The following TSBP1 variants were observed in gnomAD, a reference collection of about 807,000 sequenced individuals.
TSBP1 encodes the protein testis-expressed basic protein 1.
In TSBP1, 56 loss-of-function variants were observed where a neutral mutation model predicts 68.8. The ratio of observed to expected loss-of-function variants is 0.81; its 90% CI spans 0.66 to 1.02. The LOEUF is 1.02. TSBP1 is among the 50% of genes least tolerant of loss of function. TSBP1 has a pLI of 0.00. For synonymous variants in TSBP1, 171 were observed against 208.7 expected (o/e 0.82, Z 1.56); for missense variants, 502 against 641.2 (o/e 0.78, Z 2.34).
At chr6:32,293,602 C>T (rs1027247399) in exon 23 of TSBP1, 7 of 1,612,842 alleles carry the variant, frequency 4.3e-6, no homozygotes, top group Admixed American at 3.3e-5. Context: ...GTACAACCAA[C>T]CCACTCTTCG....
In TSBP1 at chr6:32,343,752, T is replaced by C. The variant is rs1303682212; in HGVS notation, c.350-4114A>G. Among the ~76,000 whole-genome samples, 4 of 152,226 alleles carry C rather than the reference T, an allele frequency of 2.6e-5. No individual in the cohort carries two copies. Among genetic ancestry groups the C allele is most frequent in the East Asian group, 1.9e-4 (1 of 5,200 alleles). On this transcript the variant is annotated intron_variant, in intron 9 of 22. Transcript: ENST00000612031. This position sits in a 1 kb window ranked among gnomAD's most constrained non-coding sequence, Gnocchi z 4.3. ...TTTAAGTTCAGCACGTTTTCCTTCA[T>C]ATTCTTTACAATTTTCTCTTCTTTC...
At chr6:32,349,494 G>T in intron 9 of TSBP1, 5 of 441,248 alleles carry the variant, frequency 1.1e-5, no homozygotes, top group Non-Finnish European at 2.0e-5. Flanking sequence ...TATTTACTCT[G>T]TTTTTCCAAC....
At chr6:32,345,891 A>T (rs1339559101) in intron 9 of TSBP1, among the ~76,000 whole-genome samples, 1 of 152,090 alleles carries the variant, frequency 6.6e-6, no homozygotes, top group Admixed American at 6.6e-5. Context: ...CGTCATCTTG[A>T]GCTTCAGGGA....
At chr6:32,352,568 A>G (rs1197423544) in intron 8 of TSBP1, among the ~76,000 whole-genome samples, 1 of 152,006 alleles carries the variant, frequency 6.6e-6, no homozygotes, top group Non-Finnish European at 1.5e-5. Flanking sequence ...AGATAAACAT[A>G]TAACAATTCA....
chr6:32,333,990 G>T lies in TSBP1; in HGVS notation c.472+1447C>A. The T allele has an allele frequency of 3.5e-6, 1 of 287,678 alleles. No individual in the cohort carries two copies. Among genetic ancestry groups the T allele is most frequent in the Non-Finnish European group, 7.1e-6 (1 of 140,778 alleles). The allele number at this position is 287,678 out of a possible 1,614,324, so 17.8% of individuals were successfully genotyped here. On this transcript the variant is annotated intron_variant, in intron 14 of 22. Transcript: ENST00000612031. This position sits in a 1 kb window ranked among gnomAD's most constrained non-coding sequence, Gnocchi z 4.2. ...TGCTAACTTAATAGTTGCTTTGCCT[G>T]TATCTACAAATATGTATCTTTGATT...
intron 9 of TSBP1, among the ~76,000 whole-genome samples, chr6:32,344,957 G>A (rs931167310): frequency 6.6e-6 from 1 of 152,068 alleles, no homozygotes; most frequent in Non-Finnish European, 1.5e-5. Flanking sequence ...CTGGGCTCAA[G>A]TGATCCTCCC....
chr6:32,336,541 G>A lies in TSBP1; in HGVS notation c.430+74C>T, dbSNP rs1769692771. ...GTTGAAATTATTTTTAAAAATGCAG[G>A]GCAGATCAGGCCCCAAGACCTTGTA... On this transcript the variant is annotated intron_variant, in intron 12 of 22. Coordinates refer to ENST00000612031, the Ensembl canonical transcript of TSBP1. This position sits in a 1 kb window ranked among gnomAD's most constrained non-coding sequence, Gnocchi z 5.2. The A allele has an allele frequency of 8.3e-7, 1 of 1,205,988 alleles. No homozygotes were observed. Among genetic ancestry groups the A allele is most frequent in the Non-Finnish European group, 1.2e-6 (1 of 817,956 alleles). 74.7% of individuals were successfully genotyped at this position (1,205,988 alleles called of 1,614,324 possible). A position where few individuals can be genotyped will look rare whatever the true frequency, so the allele number is the denominator to read the frequency against.
intron 18 of TSBP1, among the ~76,000 whole-genome samples, chr6:32,319,595 A>G (rs1767374871): frequency 6.6e-6 from 1 of 151,804 alleles, no homozygotes; most frequent in African/African-American, 2.4e-5. Context: ...CCTTCTTTCT[A>G]GCCTGGCTGG....
Position 32,340,305 on chromosome 6 carries a change from C to T in TSBP1, c.350-667G>A. Among the ~76,000 whole-genome samples, 1 of 151,680 alleles carries T rather than the reference C, an allele frequency of 6.6e-6. No homozygotes were observed. The highest frequency in any genetic ancestry group is 1.5e-5 in the Non-Finnish European group (1 of 67,950). On this transcript the variant is annotated intron_variant, in intron 9 of 22. Coordinates refer to ENST00000612031, the Ensembl canonical transcript of TSBP1. This position sits in a 1 kb window ranked among gnomAD's most constrained non-coding sequence, Gnocchi z 4.8. ...TTAAAATAATTGAATAATTTGTTTC[C>T]TTCTTTGTGTATAATTATTTTTCGC...
intron 3 of TSBP1, among the ~76,000 whole-genome samples, chr6:32,368,233 T>C (rs1300578325): frequency 6.6e-6 from 1 of 152,192 alleles, no homozygotes; most frequent in Admixed American, 6.5e-5. Context: ...GCAGCTAGTC[T>C]CCTGGTTTTT....
Position 32,292,861 on chromosome 6 carries a change from T to G in TSBP1, c.*120A>C. The G allele has an allele frequency of 1.5e-6, 1 of 666,672 alleles. No homozygotes were observed. The highest frequency in any genetic ancestry group is 2.0e-5 in the South Asian group (1 of 50,322). The allele number at this position is 666,672 out of a possible 1,614,324, so 41.3% of individuals were successfully genotyped here. A position where few individuals can be genotyped will look rare whatever the true frequency, so the allele number is the denominator to read the frequency against. On this transcript the variant is annotated 3_prime_UTR_variant, in exon 23 of 23. Transcript: ENST00000612031. The surrounding 1 kb of genome is among the most constrained non-coding windows in gnomAD (Gnocchi z 4.1). ...CTTCTGAAGAGCAGAAACTGTGATA[T>G]GAAGATGAAAGGGATTTTATAATTG...
intron 18 of TSBP1, among the ~76,000 whole-genome samples, chr6:32,322,032 C>T (rs1178392757): frequency 6.6e-6 from 1 of 152,170 alleles, no homozygotes; most frequent in Non-Finnish European, 1.5e-5. Flanking sequence ...CCTGCCTGGG[C>T]TCTTTTGGCA....
chr6:32,366,149 A>ATC lies in TSBP1; in HGVS notation c.217+16_217+17dup, dbSNP rs1437057700. On this transcript the variant is annotated intron_variant, in intron 6 of 22. Transcript: ENST00000612031. ...CTGATTTTCCTTTAATTTTACAAAA[A>ATC]TCTCTACATATACTTACCTCGGTTA... The ATC allele has an allele frequency of 1.2e-6, 2 of 1,600,778 alleles. No homozygotes were observed. The highest frequency in any genetic ancestry group is 1.3e-5 in the African/African-American group (1 of 74,168).
In TSBP1 at chr6:32,314,923, C is replaced by T. The variant is rs780802574; in HGVS notation, c.580+849G>A. Among the ~76,000 whole-genome samples, 36 of 152,196 alleles carry T rather than the reference C, an allele frequency of 2.4e-4. No homozygotes were observed. The highest frequency in any genetic ancestry group is 4.3e-4 in the Non-Finnish European group (29 of 68,032). On this transcript the variant is annotated intron_variant, in intron 19 of 22. Coordinates refer to ENST00000612031, the Ensembl canonical transcript of TSBP1. The surrounding 1 kb of genome is among the most constrained non-coding windows in gnomAD (Gnocchi z 4.2). ...CAGCAGCTACCTTCTTCAGACTATG[C>T]GTGTCCTCCCAGTTTAACACAGTTC...
At chr6:32,341,546 C>A in intron 9 of TSBP1, among the ~76,000 whole-genome samples, 1 of 151,848 alleles carries the variant, frequency 6.6e-6, no homozygotes, top group East Asian at 1.9e-4. Flanking sequence ...TAGGTGGCAC[C>A]GGGCTAGTGG....
At chr6:32,326,128 T>C (rs1208503113) in intron 16 of TSBP1, 6 of 1,398,550 alleles carry the variant, frequency 4.3e-6, no homozygotes, top group African/African-American at 1.4e-5. Flanking sequence ...CCAAAGTGGC[T>C]ATTGTGGTTC....
intron 19 of TSBP1, among the ~76,000 whole-genome samples, chr6:32,307,082 G>A (rs2127570497): frequency 6.6e-6 from 1 of 152,022 alleles, no homozygotes; most frequent in South Asian, 2.1e-4. Flanking sequence ...CCTAATAAAA[G>A]TAGGACATTT....
chr6:32,297,543 C>T (rs2127559009), intron 22 of TSBP1, among the ~76,000 whole-genome samples: 1 of 152,154 alleles, frequency 6.6e-6, no homozygotes, highest in South Asian at 2.1e-4. Context: ...TCAGGGAGAG[C>T]ACAATTGGAT....
intron 16 of TSBP1, among the ~76,000 whole-genome samples, chr6:32,329,505 A>T (rs1294607676): frequency 6.6e-6 from 1 of 152,248 alleles, no homozygotes; most frequent in Non-Finnish European, 1.5e-5. Context: ...CAAAAAGGAT[A>T]GTTAGAACCA....
Sources: allele counts gnomAD v4.1 joint callset (sites outside exome capture counted in the v4.1 genomes callset), GRCh38; gene constraint gnomAD v4.1.1; non-coding constraint Gnocchi (gnomAD v3.1); transcripts MANE v1.5; gene names NCBI Gene and HGNC (gene_info 2026-07-23, HGNC 2026-07-21).